ZFHX3: variants seen among roughly 807,000 people sequenced by gnomAD.
ZFHX3 encodes zinc finger homeobox protein 3.
ZFHX3 carries 42 observed loss-of-function variants against 279.1 expected under a neutral mutation model. The observed-to-expected ratio is 0.15, with a 90% CI of 0.12 to 0.19. ZFHX3 has a LOEUF of 0.19. Among genes scored for constraint, ZFHX3 ranks in the 10% least tolerant of loss-of-function variants. The pLI is 1.00. For missense variants in ZFHX3, 4,981 were observed against 4,754.0 expected (o/e 1.05, Z -1.40); for synonymous variants, 2,293 against 1,957.8 (o/e 1.17, Z -4.52).
intron 2 of ZFHX3, among the ~76,000 whole-genome samples, chr16:73,479,960 A>G (rs1005115741): frequency 1.3e-5 from 2 of 152,164 alleles, no homozygotes; most frequent in African/African-American, 4.8e-5. Flanking sequence ...CTCCGGGTCA[A>G]CCCAGGAGTT....
chr16:73,604,617 A>T (rs2052158714), intron 2 of ZFHX3, among the ~76,000 whole-genome samples: 3 of 152,092 alleles, frequency 2.0e-5, no homozygotes, highest in African/African-American at 4.8e-5. Flanking sequence ...ATGGTGGCAG[A>T]TACCTGTAAT....
intron 1 of ZFHX3, among the ~76,000 whole-genome samples, chr16:73,849,948 G>C (rs1051902657): frequency 6.6e-6 from 1 of 152,122 alleles, no homozygotes; most frequent in African/African-American, 2.4e-5. Context: ...GGTCAGGCTC[G>C]TCTCAAATTC....
chr16:73,164,422 G>A (rs1242236131), intron 5 of ZFHX3, among the ~76,000 whole-genome samples: 1 of 152,146 alleles, frequency 6.6e-6, no homozygotes, highest in Admixed American at 6.5e-5. Flanking sequence ...ATGTGGGGCC[G>A]GGCATGGTGG....
chr16:73,396,937 C>T (rs1029857553), intron 3 of ZFHX3, among the ~76,000 whole-genome samples: 7 of 152,182 alleles, frequency 4.6e-5, no homozygotes, highest in Non-Finnish European at 7.3e-5. Flanking sequence ...GCCTAAGTGA[C>T]GCCAACTACT....
At chr16:73,889,794 T>C (rs558408988) in intron 1 of ZFHX3, among the ~76,000 whole-genome samples, 1 of 152,146 alleles carries the variant, frequency 6.6e-6, no homozygotes, top group Admixed American at 6.5e-5. Context: ...TTCTACTGAC[T>C]CTTCTCCTTT....
chr16:73,236,683 T>G (rs913970151), intron 5 of ZFHX3, among the ~76,000 whole-genome samples: 1 of 152,052 alleles, frequency 6.6e-6, no homozygotes. Context: ...TAAAAAGAAA[T>G]GCATTCACAT....
chr16:72,951,637 A>T (rs1308719194), intron 2 of ZFHX3, among the ~76,000 whole-genome samples: 1 of 152,218 alleles, frequency 6.6e-6, no homozygotes, highest in South Asian at 2.1e-4. Flanking sequence ...CACTGGATAT[A>T]ACAGAATCTC....
At chr16:73,509,179 T>C (rs1454839301) in intron 2 of ZFHX3, among the ~76,000 whole-genome samples, 1 of 152,204 alleles carries the variant, frequency 6.6e-6, no homozygotes. Flanking sequence ...TGGAATGCTT[T>C]CACATTTTGG....
At chr16:73,362,702 T>C (rs959901456) in intron 3 of ZFHX3, among the ~76,000 whole-genome samples, 2 of 152,236 alleles carry the variant, frequency 1.3e-5, no homozygotes, top group African/African-American at 4.8e-5. Flanking sequence ...AGTGGCACTG[T>C]CCTCATGACT....
intron 1 of ZFHX3, among the ~76,000 whole-genome samples, chr16:73,845,424 G>T (rs1334768625): frequency 6.6e-6 from 1 of 152,006 alleles, no homozygotes; most frequent in African/African-American, 2.4e-5. Context: ...CCAGCCCCGT[G>T]CACTTAGCGA....
intron 2 of ZFHX3, among the ~76,000 whole-genome samples, chr16:73,555,165 T>C (rs1056928989): frequency 1.1e-4 from 17 of 151,210 alleles, no homozygotes; most frequent in African/African-American, 4.2e-4. Context: ...TCGTATTTTA[T>C]TTTTTTTGAG....
chr16:73,308,622 G>A (rs972175070), intron 4 of ZFHX3, among the ~76,000 whole-genome samples: 9 of 151,868 alleles, frequency 5.9e-5, no homozygotes, highest in East Asian at 1.9e-4. Flanking sequence ...TTTAATTCTC[G>A]CATTGAATTT....
intron 1 of ZFHX3, among the ~76,000 whole-genome samples, chr16:73,024,049 C>T (rs371533890): frequency 6.6e-6 from 1 of 152,122 alleles, no homozygotes; most frequent in Non-Finnish European, 1.5e-5. Context: ...ATGCCAGTGG[C>T]GCTAAATAAA....
At chr16:72,933,905 GCCTC>G (rs1959966074) in intron 3 of ZFHX3, among the ~76,000 whole-genome samples, 1 of 143,790 alleles carries the variant, frequency 7.0e-6, no homozygotes, top group Non-Finnish European at 1.5e-5. Flanking sequence ...TGCAAGCTCT[GCCTC>G]CCGGGTTCAT....
In ZFHX3 at chr16:73,156,019, T is replaced by G. The variant is rs1225948996; in HGVS notation, c.-1103-12188A>C. On this transcript the variant is annotated intron_variant, in intron 5 of 17. Transcript: ENST00000641206. ...AGGCCGAGATGGGCGGATCACAAGG[T>G]CAGGAGATCGAGATCATCCTGGCTA... Among the ~76,000 whole-genome samples the G allele has an allele frequency of 2.0e-5, 3 of 152,026 alleles. No homozygotes were observed. In the East Asian group the frequency reaches 5.8e-4, roughly 29 times the overall value.
At chr16:73,527,278 A>C (rs1454282866) in intron 2 of ZFHX3, among the ~76,000 whole-genome samples, 1 of 152,154 alleles carries the variant, frequency 6.6e-6, no homozygotes, top group Middle Eastern at 3.2e-3. Context: ...AGGGTTGTTG[A>C]CAGAACTTCC....
intron 4 of ZFHX3, among the ~76,000 whole-genome samples, chr16:72,849,956 T>C (rs987345666): frequency 6.9e-6 from 1 of 144,474 alleles, no homozygotes; most frequent in Admixed American, 7.1e-5. Context: ...GTTCCAGTGA[T>C]GACAAAAGTG....
At chr16:73,006,848 A>G (rs894292604) in intron 1 of ZFHX3, among the ~76,000 whole-genome samples, 1 of 152,170 alleles carries the variant, frequency 6.6e-6, no homozygotes, top group East Asian at 1.9e-4. Context: ...TATACTTTAA[A>G]TCATCTTTTG....
In ZFHX3 at chr16:72,797,386, G is replaced by C. The variant is rs1388794729; in HGVS notation, c.5296C>G (p.Leu1766Val). 1 of 1,607,250 alleles carries C rather than the reference G, an allele frequency of 6.2e-7. No homozygotes were observed. Among genetic ancestry groups the C allele is most frequent in the African/African-American group, 1.3e-5 (1 of 74,866 alleles). ...LQQELQQQAALIQSQLFNPTL... is the reference protein window; with the variant it reads ...LQQELQQQAAVIQSQLFNPTL... The stretch of plus-strand genomic sequence containing the variant: ...GGGTTAAACAGCTGAGACTGGATCA[G>C]GGCAGCCTGTTGCTGCAGCTCCTGC... The change falls in exon 9 of 10, where the codon CTG (leucine) becomes GTG (valine). Residue 1766 changes from leucine to valine, a missense_variant. Coordinates refer to ENST00000268489, the MANE Select transcript of ZFHX3 (RefSeq NM_006885.4).
Sources: allele counts gnomAD v4.1 joint callset (sites outside exome capture counted in the v4.1 genomes callset), GRCh38; gene constraint gnomAD v4.1.1; transcripts MANE v1.5; gene names NCBI Gene and HGNC (gene_info 2026-07-23, HGNC 2026-07-21).